Variants in MMS22L observed in about 807,000 individuals in gnomAD.
MMS22L encodes protein MMS22-like.
Under a neutral mutation model 159.1 loss-of-function variants are expected in MMS22L, and 74 were observed. That is an observed-to-expected ratio of 0.47 (90% confidence interval 0.39 to 0.56). The LOEUF (loss-of-function observed/expected upper bound fraction) is 0.56, where lower values mean the gene tolerates loss of function less well. MMS22L is among the 20% of genes least tolerant of loss of function. MMS22L has a pLI of 0.00. For synonymous variants in MMS22L, 517 were observed against 506.9 expected, an observed-to-expected ratio of 1.02 and a Z score of -0.27; for missense variants, 1,351 against 1,422.1, an observed-to-expected ratio of 0.95 and a Z score of 0.80.
At chr6:97,260,449 T>G (rs1445654690) in intron 9 of MMS22L, 1 of 152,206 alleles carries the variant, frequency 6.6e-6, no homozygotes, top group African/African-American at 2.4e-5. Flanking sequence ...TCAGTCATGT[T>G]GTAATTTAGT....
chr6:97,221,529 A>G (rs1433631605), intron 14 of MMS22L, among the ~76,000 whole-genome samples: 1 of 141,932 alleles, frequency 7.0e-6, no homozygotes, highest in Non-Finnish European at 1.6e-5. Flanking sequence ...ACTAATTTAT[A>G]GTATATATCT....
intron 14 of MMS22L, among the ~76,000 whole-genome samples, chr6:97,196,029 G>A (rs1806460940): frequency 6.6e-6 from 1 of 152,150 alleles, no homozygotes; most frequent in African/African-American, 2.4e-5. Context: ...GAAAATTGAA[G>A]TAACACTATC....
At chr6:97,181,120 T>C (rs1804660819) in intron 16 of MMS22L, among the ~76,000 whole-genome samples, 1 of 152,120 alleles carries the variant, frequency 6.6e-6, no homozygotes, top group Non-Finnish European at 1.5e-5. Context: ...TAACTAGCTA[T>C]GTGAGATAGT....
At position 97,282,415 on chromosome 6, in the gene MMS22L, C is replaced by G. The variant is rs1029260091; in HGVS notation, c.63G>C (p.Thr21=). 7.4e-6 allele frequency: 12 copies of G among 1,613,940 alleles called. No homozygotes were observed. Among genetic ancestry groups the G allele is most frequent in the Non-Finnish European group, 1.0e-5 (12 of 1,180,012 alleles). Residue 21 remains threonine (T), a synonymous_variant, in exon 2 of 25, where the codon ACG becomes ACC. Coordinates refer to ENST00000683635, the MANE Select transcript of MMS22L (RefSeq NM_001350599.2). ...AAAAGTAAGGAGGTTTGCACCATTCCGTCCCCAGCTCCAGCTCTAAGCTGT... is the reference window on the plus strand; with the variant it reads ...AAAAGTAAGGAGGTTTGCACCATTCGGTCCCCAGCTCCAGCTCTAAGCTGT... ...LTDSLELELG[T]EWCKPPYFSC...
At chr6:97,214,101 A>T (rs1172361591) in intron 14 of MMS22L, among the ~76,000 whole-genome samples, 1 of 151,910 alleles carries the variant, frequency 6.6e-6, no homozygotes, top group African/African-American at 2.4e-5. Flanking sequence ...TCAAATCATT[A>T]AAAAAAATAC....
At chr6:97,223,948 CTG>C (rs1469957335) in intron 14 of MMS22L, among the ~76,000 whole-genome samples, 1 of 152,128 alleles carries the variant, frequency 6.6e-6, no homozygotes, top group Non-Finnish European at 1.5e-5. Context: ...ATACTTGTAT[CTG>C]TTAAAACTGC....
intron 22 of MMS22L, among the ~76,000 whole-genome samples, chr6:97,160,001 G>T (rs1802270650): frequency 8.0e-6 from 1 of 125,750 alleles, no homozygotes; most frequent in Non-Finnish European, 1.6e-5. Flanking sequence ...TTGCCATGTG[G>T]AGTCCTTTCC....
intron 14 of MMS22L, among the ~76,000 whole-genome samples, chr6:97,218,642 TA>T (rs901524032): frequency 1.3e-5 from 2 of 152,006 alleles, no homozygotes; most frequent in East Asian, 3.9e-4. Flanking sequence ...CAACACAAGG[TA>T]AAAAACAATA....
At chr6:97,147,971 T>G (rs1800991722) in intron 24 of MMS22L, among the ~76,000 whole-genome samples, 1 of 152,214 alleles carries the variant, frequency 6.6e-6, no homozygotes, top group Non-Finnish European at 1.5e-5. Flanking sequence ...CATTAGAGTG[T>G]GTATTTGTAC....
chr6:97,257,970 A>G (rs1215800160), intron 9 of MMS22L, among the ~76,000 whole-genome samples: 2 of 152,200 alleles, frequency 1.3e-5, no homozygotes, highest in Non-Finnish European at 2.9e-5. Context: ...GCCTGAAACA[A>G]TTACCATGGA....
intron 14 of MMS22L, among the ~76,000 whole-genome samples, chr6:97,205,829 A>T (rs549842603): frequency 6.6e-6 from 1 of 152,324 alleles, no homozygotes; most frequent in South Asian, 2.1e-4. Context: ...TTCTTCAGAC[A>T]TAAAATGGTC....
chr6:97,186,407 A>C (rs1805233165), intron 15 of MMS22L, 90 bp downstream of exon 15: 1 of 1,067,190 alleles, frequency 9.4e-7, no homozygotes, highest in African/African-American at 1.6e-5. Context: ...AATGTTTGCT[A>C]TACAAGAGTT....
At chr6:97,176,895 G>A (rs1234911088) in intron 18 of MMS22L, among the ~76,000 whole-genome samples, 1 of 152,056 alleles carries the variant, frequency 6.6e-6, no homozygotes, top group African/African-American at 2.4e-5. Context: ...TATATGCTAA[G>A]TCCTATGAAT....
chr6:97,213,005 G>A (rs1808554044), intron 14 of MMS22L, among the ~76,000 whole-genome samples: 1 of 152,174 alleles, frequency 6.6e-6, no homozygotes, highest in African/African-American at 2.4e-5. Flanking sequence ...CATGAAGTTT[G>A]AGATATTACA....
chr6:97,262,575 C>T (rs1252661342), intron 9 of MMS22L, among the ~76,000 whole-genome samples: 3 of 144,480 alleles, frequency 2.1e-5, no homozygotes, highest in Non-Finnish European at 3.0e-5. Context: ...AACTGGGAGG[C>T]GGAGATTGCA....
intron 2 of MMS22L, among the ~76,000 whole-genome samples, 155 bp downstream of exon 2, chr6:97,282,159 C>A (rs963280349): frequency 6.6e-6 from 1 of 152,140 alleles, no homozygotes; most frequent in African/African-American, 2.4e-5. Flanking sequence ...AAGAAGCCAG[C>A]AGAACTGATA....
intron 21 of MMS22L, among the ~76,000 whole-genome samples, chr6:97,163,039 G>A (rs1029545320): frequency 3.9e-5 from 6 of 151,920 alleles, no homozygotes; most frequent in Non-Finnish European, 7.4e-5. Context: ...CTATGTCTTA[G>A]TAATTATTTC....
chr6:97,225,095 A>C (rs571019416), intron 14 of MMS22L, among the ~76,000 whole-genome samples: 2 of 152,262 alleles, frequency 1.3e-5, no homozygotes, highest in South Asian at 4.1e-4. Flanking sequence ...AGAATAAAGA[A>C]GACAGTATTT....
rs1409925400 is a variant in MMS22L at position 97,273,012 on chromosome 6, C to A, written c.391G>T (p.Val131Leu). The A allele has an allele frequency of 6.2e-7, 1 of 1,613,062 alleles. No individual in the cohort carries two copies. Among genetic ancestry groups the A allele is most frequent in the South Asian group, 1.1e-5 (1 of 90,838 alleles). Residue 131 changes from valine to leucine, a missense_variant, in exon 5 of 25, where the codon GTA becomes TTA. Physicochemically the swap from Val to Leu is conservative, Grantham distance 32 (BLOSUM62 1). Transcript: ENST00000683635. ...ACTTTAACATAATGGAGAAATAGTA[C>A]ACACTGCTGCCTAATATTGTCTGCT... ...CKADNIRQQC[V>L]LFLHYVKVFI...
Sources: allele counts gnomAD v4.1 joint callset (sites outside exome capture counted in the v4.1 genomes callset), GRCh38; gene constraint gnomAD v4.1.1; transcripts MANE v1.5; gene names NCBI Gene and HGNC (gene_info 2026-07-23, HGNC 2026-07-21).